The following XPO4 variants were observed in gnomAD, a reference collection of about 807,000 sequenced individuals.
XPO4 encodes exportin-4.
In XPO4, 39 loss-of-function variants were observed where a neutral mutation model predicts 143.0. The ratio of observed to expected loss-of-function variants is 0.27; its 90% CI spans 0.21 to 0.36. The LOEUF is 0.36. Ranked by LOEUF, XPO4 falls within the 10% of genes least tolerant of loss-of-function variation. The pLI is 1.00. For synonymous variants in XPO4, 439 were observed against 474.0 expected, an observed-to-expected ratio of 0.93 and a Z score of 0.96; for missense variants, 907 against 1,348.0, an observed-to-expected ratio of 0.67 and a Z score of 5.12.
rs1555329685 is a variant in XPO4 at position 20,786,307 on chromosome 13, G to GTGTA, written c.3258+657_3258+658insTACA. 3.1e-3 allele frequency among the ~76,000 whole-genome samples: 458 copies of GTGTA among 147,048 alleles called. 6 individuals are homozygous for GTGTA. The highest frequency in any genetic ancestry group is 9.9e-3 in the African/African-American group (392 of 39,682). ...GGTATATATATATATACGTGTGTGTGTATATATATATATATATATATGTAC... is the reference window on the plus strand; with the variant it reads ...GGTATATATATATATACGTGTGTGTGTGTATATATATATATATATATATATGTAC... On this transcript the variant is annotated intron_variant, in intron 22 of 22. Coordinates refer to ENST00000255305, the MANE Select transcript of XPO4 (RefSeq NM_022459.5).
chr13:20,884,460 A>G (rs2060443208), intron 1 of XPO4, among the ~76,000 whole-genome samples: 1 of 152,164 alleles, frequency 6.6e-6, no homozygotes, highest in African/African-American at 2.4e-5. Context: ...CCCAGGGTAT[A>G]CTGCAGTAGT....
At position 20,799,343 on chromosome 13, in the gene XPO4, C is replaced by T; in HGVS notation, c.2148-4G>A. The T allele has an allele frequency of 1.9e-6, 3 of 1,611,502 alleles. No homozygotes were observed. In the South Asian group the frequency reaches 3.3e-5, roughly 18 times the overall value. On this transcript the variant is annotated splice_region_variant and splice_polypyrimidine_tract_variant and intron_variant, in intron 15 of 22. Transcript: ENST00000255305. ...ACATTGAATTACTAAGTTTGCCCTACAGGTAGAAATAACAAAACATAAGAT... is the reference window on the plus strand; with the variant it reads ...ACATTGAATTACTAAGTTTGCCCTATAGGTAGAAATAACAAAACATAAGAT...
chr13:20,885,333 T>C (rs1448214192), intron 1 of XPO4, among the ~76,000 whole-genome samples: 1 of 152,172 alleles, frequency 6.6e-6, no homozygotes. Context: ...AAATTGAATA[T>C]GCATGTTAAA....
chr13:20,826,880 T>C (rs2059791895), intron 7 of XPO4, among the ~76,000 whole-genome samples, 187 bp downstream of exon 7: 1 of 152,250 alleles, frequency 6.6e-6, no homozygotes, highest in Non-Finnish European at 1.5e-5. Context: ...AAGCCCTTCA[T>C]AACCATGTGA....
At chr13:20,822,714 GT>G (rs1158586639) in intron 7 of XPO4, among the ~76,000 whole-genome samples, 11 of 152,200 alleles carry the variant, frequency 7.2e-5, no homozygotes, top group Non-Finnish European at 1.5e-4. Context: ...GAAGTAAACA[GT>G]TGTGCACTTA....
chr13:20,879,412 G>T, intron 1 of XPO4: 1 of 735,986 alleles, frequency 1.4e-6, no homozygotes, highest in Non-Finnish European at 1.7e-6. Flanking sequence ...CCACAAGCAG[G>T]CCTATGACAG....
chr13:20,876,093 C>CAAAAAAAAAAAAAAAAAAAAA (rs11301411), intron 1 of XPO4, among the ~76,000 whole-genome samples: 1 of 90,740 alleles, frequency 1.1e-5, no homozygotes, highest in Admixed American at 1.3e-4. Flanking sequence ...CTACTAAATA[C>CAAAAAAAAAAAAAAAAAAAAA]AAAAAAAAAA....
intron 6 of XPO4, among the ~76,000 whole-genome samples, chr13:20,832,325 C>T (rs543811221): frequency 1.8e-4 from 27 of 152,182 alleles, no homozygotes; most frequent in East Asian, 9.7e-4. Context: ...TACACAGGTC[C>T]GTAATTATGC....
At chr13:20,813,333 TC>T (rs2059607610) in intron 9 of XPO4, among the ~76,000 whole-genome samples, 1 of 152,134 alleles carries the variant, frequency 6.6e-6, no homozygotes, top group South Asian at 2.1e-4. Context: ...ATATAGACTT[TC>T]TACAAATCAG....
Position 20,848,957 on chromosome 13 carries a change from C to T in XPO4, c.457-5071G>A, listed in dbSNP as rs894866894. On this transcript the variant is annotated intron_variant, in intron 4 of 22. Coordinates refer to ENST00000255305, the MANE Select transcript of XPO4 (RefSeq NM_022459.5). ...GGCTAACAATTTAAGTAACTCTTAT[C>T]TTCACATTGAAAGTCTTAGACCAGC... The T allele has an allele frequency of 3.0e-6, 3 of 985,258 alleles. No individual in the cohort carries two copies. In the African/African-American group the frequency reaches 5.2e-5, roughly 17 times the overall value. The allele number at this position is 985,258 out of a possible 1,614,324, so 61.0% of individuals were successfully genotyped here.
intron 12 of XPO4, 89 bp downstream of exon 12, chr13:20,808,347 T>C (rs1368633645): frequency 2.3e-6 from 3 of 1,321,204 alleles, no homozygotes; most frequent in African/African-American, 2.9e-5. Context: ...ATATTATATA[T>C]ACACTATTGT....
At chr13:20,831,444 T>C (rs1444155778) in intron 6 of XPO4, among the ~76,000 whole-genome samples, 4 of 152,204 alleles carry the variant, frequency 2.6e-5, no homozygotes, top group East Asian at 1.9e-4. Context: ...TTTACTAAAC[T>C]GTCTTTTATT....
intron 1 of XPO4, among the ~76,000 whole-genome samples, chr13:20,893,273 C>T (rs1443421291): frequency 1.3e-5 from 2 of 152,214 alleles, no homozygotes; most frequent in East Asian, 1.9e-4. Flanking sequence ...AGAGGCCTTA[C>T]ATTTTCATTT....
At chr13:20,806,535 G>A (rs1457991666) in intron 13 of XPO4, among the ~76,000 whole-genome samples, 3 of 121,910 alleles carry the variant, frequency 2.5e-5, no homozygotes, top group African/African-American at 9.1e-5. Flanking sequence ...TCACTTTCAG[G>A]ACCCTTTTTT....
chr13:20,821,394 G>A (rs911357983), intron 9 of XPO4, among the ~76,000 whole-genome samples: 2 of 151,178 alleles, frequency 1.3e-5, no homozygotes, highest in Non-Finnish European at 2.9e-5. Flanking sequence ...AAGAGCCTTC[G>A]ACATAATTTT....
intron 12 of XPO4, 128 bp from the exon 13 acceptor site, chr13:20,807,762 T>C: frequency 2.6e-6 from 2 of 761,400 alleles, no homozygotes; most frequent in South Asian, 6.2e-5. Context: ...GTTAACCTGT[T>C]AATTTCAAGT....
At chr13:20,814,181 C>T (rs1437510045) in intron 9 of XPO4, among the ~76,000 whole-genome samples, 1 of 138,376 alleles carries the variant, frequency 7.2e-6, no homozygotes, top group Non-Finnish European at 1.5e-5. Flanking sequence ...TCCTCTGACT[C>T]ACCCAGTCTC....
intron 2 of XPO4, 27 bp from the exon 3 acceptor site, chr13:20,862,885 T>C: frequency 6.2e-7 from 1 of 1,608,888 alleles, no homozygotes; most frequent in South Asian, 1.1e-5. Flanking sequence ...AAACTTTATT[T>C]AAACAATAAT....
At chr13:20,867,069 T>A (rs1454533808) in intron 2 of XPO4, among the ~76,000 whole-genome samples, 1 of 152,212 alleles carries the variant, frequency 6.6e-6, no homozygotes, top group Admixed American at 6.5e-5. Context: ...TAAGGATGAA[T>A]TAATGCTTCC....
Sources: allele counts gnomAD v4.1 joint callset (sites outside exome capture counted in the v4.1 genomes callset), GRCh38; gene constraint gnomAD v4.1.1; transcripts MANE v1.5; gene names NCBI Gene and HGNC (gene_info 2026-07-23, HGNC 2026-07-21).